CNPPD1: variants seen among roughly 807,000 people sequenced by gnomAD.
The protein encoded by CNPPD1 is protein CNPPD1.
In CNPPD1, 40 loss-of-function variants were observed where a neutral mutation model predicts 43.7. That is an observed-to-expected ratio of 0.92 (90% confidence interval 0.71 to 1.19). CNPPD1 has a LOEUF of 1.19. Among genes scored for constraint, CNPPD1 ranks in the 50% most tolerant of loss-of-function variants. CNPPD1 has a pLI of 0.00. For synonymous variants in CNPPD1, 208 were observed against 214.3 expected (o/e 0.97, Z 0.26); for missense variants, 511 against 518.5 (o/e 0.99, Z 0.14).
At position 219,175,661 on chromosome 2, in the gene CNPPD1, C is replaced by T. The variant is rs773704071; in HGVS notation, c.190G>A (p.Glu64Lys). ...LSSPVADIAVELLQKAAPSPI... is the reference protein window; with the variant it reads ...LSSPVADIAVKLLQKAAPSPI... Reference sequence around the variant, plus strand: ...CTGGGGGCTGCCTTCTGGAGCAGTTCGACAGCAATGTCTGCAAGGGACAGA... The same window carrying T: ...CTGGGGGCTGCCTTCTGGAGCAGTTTGACAGCAATGTCTGCAAGGGACAGA... Residue 64 changes from glutamate to lysine, a missense_variant, in exon 3 of 8, where the codon GAA becomes AAA. Transcript: ENST00000360507. The T allele has an allele frequency of 3.1e-6, 5 of 1,613,912 alleles. No homozygotes were observed. The highest frequency in any genetic ancestry group is 1.3e-5 in the African/African-American group (1 of 75,006).
intron 5 of CNPPD1, 120 bp from the exon 6 acceptor site, chr2:219,174,327 T>TGGTAA: frequency 4.1e-6 from 4 of 974,732 alleles, no homozygotes; most frequent in Non-Finnish European, 6.6e-6. Context: ...GCACTTACCA[T>TGGTAA]GTGCCAGATA....
chr2:219,175,586 C>A lies in CNPPD1; in HGVS notation c.260+5G>T. Reference sequence around the variant, plus strand: ...CTCTCATCCTATCCTCATTTCCAGGCTCACCGGGACACATGAGCTACATAT... The same window carrying A: ...CTCTCATCCTATCCTCATTTCCAGGATCACCGGGACACATGAGCTACATAT... On this transcript the variant is annotated splice_donor_5th_base_variant and intron_variant, in intron 3 of 7. Coordinates refer to ENST00000360507, the MANE Select transcript of CNPPD1 (RefSeq NM_015680.6). The A allele has an allele frequency of 6.2e-7, 1 of 1,612,608 alleles. No homozygotes were observed. The highest frequency in any genetic ancestry group is 8.5e-7 in the Non-Finnish European group (1 of 1,178,696).
At chr2:219,173,862 G>C (rs960986100) in intron 6 of CNPPD1, among the ~76,000 whole-genome samples, 3 of 151,944 alleles carry the variant, frequency 2.0e-5, no homozygotes, top group Non-Finnish European at 4.4e-5. Context: ...GGCTGGTCTC[G>C]AACTCCTGGA....
chr2:219,175,050 G>A lies in CNPPD1; in HGVS notation c.319C>T (p.Arg107Trp), dbSNP rs148051282. The A allele has an allele frequency of 3.7e-5, 60 of 1,613,570 alleles. No individual in the cohort carries two copies. The highest frequency in any genetic ancestry group is 1.6e-4 in the Middle Eastern group (1 of 6,062). ...MLALVYIERL[R>W]HRNPDYLQHV... The stretch of plus-strand genomic sequence containing the variant: ...TGCAAGTAGTCTGGGTTTCGGTGCC[G>A]GAGCCGTTCAATGTACACCAGAGCC... The change falls in exon 4 of 8, where the codon CGG becomes TGG. Residue 107 changes from arginine to tryptophan, a missense_variant. By Grantham distance (101) the Arg-to-Trp change is moderately radical. Transcript: ENST00000360507.
chr2:219,176,215 T>C lies in CNPPD1; in HGVS notation c.178+8A>G, dbSNP rs747722543. ...TCTCACTTGTCCAGTCACACAACAC[T>C]GCCTAACCTGCCACCGGGCTGGAGA... On this transcript the variant is annotated splice_region_variant and intron_variant, in intron 2 of 7. Transcript: ENST00000360507. 3 of 1,601,136 alleles carry C rather than the reference T, an allele frequency of 1.9e-6. No homozygotes were observed.
At chr2:219,175,228 C>T (rs746482010) in intron 3 of CNPPD1, 120 bp from the exon 4 acceptor site, 18 of 1,306,252 alleles carry the variant, frequency 1.4e-5, no homozygotes, top group South Asian at 7.7e-5. Context: ...TGGCTGGGCA[C>T]GGTGGCTCAT....
chr2:219,177,102 A>G (rs954679126), upstream of CNPPD1: 5 of 382,906 alleles, frequency 1.3e-5, no homozygotes, highest in Admixed American at 9.4e-5. Context: ...TGCGACGCTC[A>G]CCTCGCGGAG....
At chr2:219,176,500 CAT>C (rs10548905) in intron 1 of CNPPD1, 169 bp from the exon 2 acceptor site, 345,347 of 636,050 alleles carry the variant, frequency 0.54, 98,630 homozygotes, top group Non-Finnish European at 0.6. Flanking sequence ...CAGCCTGGTC[CAT>C]AGAGGGAGGA....
intron 6 of CNPPD1, 74 bp downstream of exon 6, chr2:219,174,072 C>T: frequency 7.1e-7 from 1 of 1,401,044 alleles, no homozygotes; most frequent in South Asian, 1.2e-5. Flanking sequence ...CACAGACTCT[C>T]ATCTCTAGCT....
In CNPPD1 at chr2:219,174,969, T is replaced by C. The variant is rs1174690090; in HGVS notation, c.381+19A>G. ...GCAGGCTCTTGGCTCTTTAGGGAGATGGGGAGGGGGTGTCTTACCATGGAG... is the reference window on the plus strand; with the variant it reads ...GCAGGCTCTTGGCTCTTTAGGGAGACGGGGAGGGGGTGTCTTACCATGGAG... On this transcript the variant is annotated intron_variant, in intron 4 of 7. Coordinates refer to ENST00000360507, the MANE Select transcript of CNPPD1 (RefSeq NM_015680.6). 6.2e-7 allele frequency: 1 copy of C among 1,613,530 alleles called. No individual in the cohort carries two copies. Among genetic ancestry groups the C allele is most frequent in the African/African-American group, 1.3e-5 (1 of 74,698 alleles).
At chr2:219,177,564 T>G (rs998965087), upstream of CNPPD1, 12 of 151,888 alleles carry the variant, frequency 7.9e-5, no homozygotes, top group African/African-American at 2.9e-4. Flanking sequence ...TTTTTTTTAC[T>G]GTAATTTGAA....
rs184794833 is a variant in CNPPD1 at position 219,172,859 on chromosome 2, T to C, written c.960A>G (p.Pro320=). 1.3e-6 allele frequency: 2 copies of C among 1,590,652 alleles called. No individual in the cohort carries two copies. Among genetic ancestry groups the C allele is most frequent in the East Asian group, 4.5e-5 (2 of 44,642 alleles). ...GGGCAGGGGGGTCTGGGGGAGGCAA[T>C]GGTGGAGGAGTCAGTGAGGCCAGAA... ...GSLLASLTPP[P]LPPPDPPAPP... Residue 320 remains proline (P), a synonymous_variant, in exon 8 of 8, where the codon CCA becomes CCG. Transcript: ENST00000360507.
intron 1 of CNPPD1, 103 bp from the exon 2 acceptor site, chr2:219,176,434 T>C: frequency 2.3e-6 from 2 of 884,098 alleles, no homozygotes; most frequent in Non-Finnish European, 3.6e-6. Context: ...CCGGCCTCGC[T>C]GCTAGGGGGC....
rs1389321256 is a variant in CNPPD1 at position 219,175,055 on chromosome 2, C to T, written c.314G>A (p.Arg105Gln). The T allele has an allele frequency of 8.7e-6, 14 of 1,613,128 alleles. No individual in the cohort carries two copies. The highest frequency in any genetic ancestry group is 2.2e-5 in the South Asian group (2 of 91,046). ...GTAGTCTGGGTTTCGGTGCCGGAGC[C>T]GTTCAATGTACACCAGAGCCAGCAT... Reference protein sequence around the residue: ...AMMLALVYIERLRHRNPDYLQ... With the variant: ...AMMLALVYIEQLRHRNPDYLQ... Residue 105 changes from arginine (R) to glutamine (Q), a missense_variant, in exon 4 of 8, where the codon CGG becomes CAG. Coordinates refer to ENST00000360507, the MANE Select transcript of CNPPD1 (RefSeq NM_015680.6).
At position 219,174,862 on chromosome 2, in the gene CNPPD1, C is replaced by T. The variant is rs1408287833; in HGVS notation, c.426G>A (p.Glu142=). The change falls in exon 5 of 8, where the codon GAG becomes GAA. Residue 142 remains glutamate, a synonymous_variant. Transcript: ENST00000360507. ...KYLYDEGEEE[E]VFNDEWGAAG... is the part of the protein sequence containing the mutation. ...CAGCTCCCCATTCGTCGTTGAAGAC[C>T]TCCTCCTCCTCCCCTTCATCATAGA... is the stretch of plus-strand genomic sequence containing the variant. The T allele has an allele frequency of 6.2e-7, 1 of 1,613,426 alleles. No homozygotes were observed. The highest frequency in any genetic ancestry group is 8.5e-7 in the Non-Finnish European group (1 of 1,179,634).
Position 219,174,152 on chromosome 2 carries a change from T to C in CNPPD1, c.566A>G (p.Glu189Gly), listed in dbSNP as rs1257396810. 6.2e-7 allele frequency: 1 copy of C among 1,613,952 alleles called. No individual in the cohort carries two copies. The highest frequency in any genetic ancestry group is 8.5e-7 in the Non-Finnish European group (1 of 1,180,020). ...REIFEVLSWLESCVAEQQGRW... is the reference protein window; with the variant it reads ...REIFEVLSWLGSCVAEQQGRW... ...CCCAACTCCTAGAACCTACCAGCTC[T>C]CCAACCAGCTCAGCACCTCAAAGAT... is the stretch of plus-strand genomic sequence containing the variant. The change falls in exon 6 of 8, where the codon GAG becomes GGG. Residue 189 changes from glutamate to glycine, a missense_variant. Physicochemically the swap from Glu to Gly is moderately conservative, Grantham distance 98 (BLOSUM62 -2). Coordinates refer to ENST00000360507, the MANE Select transcript of CNPPD1 (RefSeq NM_015680.6).
At chr2:219,175,508 A>T in intron 3 of CNPPD1, 83 bp downstream of exon 3, 1 of 1,257,522 alleles carries the variant, frequency 8.0e-7, no homozygotes, top group Non-Finnish European at 1.1e-6. Flanking sequence ...AAAAAAAAAA[A>T]GAAAGAAAGA....
Position 219,172,966 on chromosome 2 carries a change from C to T in CNPPD1, c.853G>A (p.Val285Met), listed in dbSNP as rs775293138. 7 of 1,613,936 alleles carry T rather than the reference C, an allele frequency of 4.3e-6. No homozygotes were observed. Among genetic ancestry groups the T allele is most frequent in the Middle Eastern group, 1.7e-4 (1 of 6,058 alleles). ...GCGAGAGACGGCAGGCATTGTGGCA[C>T]AGAAGGTATGCAGGGCTCCAGGAGG... ...RCLLEPCIPS[V>M]PQCLPSLANV... is the part of the protein sequence containing the mutation. Residue 285 changes from valine to methionine, a missense_variant, in exon 8 of 8, where the codon GTG becomes ATG. Val to Met is a conservative substitution (Grantham distance 21). Transcript: ENST00000360507.
upstream of CNPPD1, chr2:219,177,444 GGA>G (rs1474826453): frequency 6.6e-6 from 1 of 152,372 alleles, no homozygotes; most frequent in Non-Finnish European, 1.5e-5. Flanking sequence ...TTGCTTTTTA[GGA>G]GAGATATTAT....
Sources: allele counts gnomAD v4.1 joint callset (sites outside exome capture counted in the v4.1 genomes callset), GRCh38; gene constraint gnomAD v4.1.1; transcripts MANE v1.5; gene names NCBI Gene and HGNC (gene_info 2026-07-23, HGNC 2026-07-21).